Variants in ZNF527 observed in about 807,000 individuals in gnomAD.
ZNF527 encodes zinc finger protein 527.
Under a neutral mutation model 13.5 loss-of-function variants are expected in ZNF527, and 5 were observed. The ratio of observed to expected loss-of-function variants is 0.37; its 90% CI spans 0.19 to 0.78. The LOEUF is 0.78. Ranked by LOEUF, ZNF527 falls within the 30% of genes least tolerant of loss-of-function variation. The pLI is 0.48. For synonymous variants in ZNF527, 209 were observed against 243.1 expected (o/e 0.86, Z 1.30); for missense variants, 628 against 726.4 (o/e 0.86, Z 1.56).
chr19:37,372,463 TTTTC>T (rs201965790), intron 1 of ZNF527, among the ~76,000 whole-genome samples: 11,539 of 116,868 alleles, frequency 0.099, 844 homozygotes, highest in African/African-American at 0.17. Context: ...TTTTCTTTTC[TTTTC>T]TTTTTTTTTT....
chr19:37,380,103 A>T, intron 3 of ZNF527, 174 bp from the exon 4 acceptor site: 1 of 1,264,358 alleles, frequency 7.9e-7, no homozygotes, highest in South Asian at 1.9e-5. Flanking sequence ...CAGAAGCTTC[A>T]TCCTCCTCCT....
In ZNF527 at chr19:37,388,480, A is replaced by C. The variant is rs759553510; in HGVS notation, c.431A>C (p.Glu144Ala). The change falls in exon 5 of 5, where the codon GAG (glutamate) becomes GCG (alanine). Residue 144 changes from glutamate to alanine, a missense_variant. Coordinates refer to ENST00000436120, the MANE Select transcript of ZNF527 (RefSeq NM_032453.2). Reference protein sequence around the residue: ...GEFELHQGNAERHFMQVTAVK... With the variant: ...GEFELHQGNAARHFMQVTAVK... ...TTTGAGCTACATCAGGGAAATGCGG[A>C]GAGGCATTTCATGCAAGTGACAGCT... The C allele has an allele frequency of 5.6e-6, 9 of 1,614,048 alleles. No individual in the cohort carries two copies. Among genetic ancestry groups the C allele is most frequent in the Non-Finnish European group, 7.6e-6 (9 of 1,179,984 alleles).
At position 37,390,046 on chromosome 19, in the gene ZNF527, T is replaced by TC. The variant is rs386365555; in HGVS notation, c.*168dup. 4.9e-6 allele frequency: 4 copies of TC among 815,692 alleles called. No individual in the cohort carries two copies. The highest frequency in any genetic ancestry group is 4.1e-5 in the South Asian group (2 of 48,728). 50.5% of individuals were successfully genotyped at this position (815,692 alleles called of 1,614,324 possible). A position where few individuals can be genotyped will look rare whatever the true frequency, so the allele number is the denominator to read the frequency against. On this transcript the variant is annotated 3_prime_UTR_variant, in exon 5 of 5. Coordinates refer to ENST00000436120, the MANE Select transcript of ZNF527 (RefSeq NM_032453.2). The stretch of plus-strand genomic sequence containing the variant: ...TAGACATCTGTTACTTTTTTTTTTT[T>TC]CAGACAGAGTCTCGCTCTGTTGCCC...
intron 1 of ZNF527, among the ~76,000 whole-genome samples, chr19:37,372,467 CTTTTT>C (rs1022024971): frequency 3.2e-4 from 21 of 65,656 alleles, no homozygotes; most frequent in African/African-American, 1.5e-3. Context: ...CTTTTCTTTT[CTTTTT>C]TTTTTTTTTT....
chr19:37,384,838 T>G (rs1266958064), intron 4 of ZNF527: 2 of 666,780 alleles, frequency 3.0e-6, no homozygotes, highest in Admixed American at 2.2e-5. Flanking sequence ...TACCTGCTCA[T>G]ACATTTTTTT....
intron 2 of ZNF527, among the ~76,000 whole-genome samples, chr19:37,377,889 C>G (rs539162653): frequency 2.6e-5 from 4 of 152,226 alleles, no homozygotes; most frequent in African/African-American, 9.6e-5. Context: ...TTTATTGATA[C>G]AGTCAGCCTC....
intron 2 of ZNF527, 85 bp from the exon 3 acceptor site, chr19:37,379,035 C>T: frequency 6.6e-7 from 1 of 1,526,308 alleles, no homozygotes; most frequent in African/African-American, 1.4e-5. Flanking sequence ...TCACTTAGAG[C>T]TTTGAACTCT....
At chr19:37,383,560 C>G (rs2040672566) in intron 4 of ZNF527, among the ~76,000 whole-genome samples, 1 of 138,994 alleles carries the variant, frequency 7.2e-6, no homozygotes, top group African/African-American at 2.8e-5. Context: ...TTTTTTGAGA[C>G]AGAGTTTTTC....
rs933132856 is a variant in ZNF527, at chr19:37,390,927, C to T, written c.*1048C>T. Reference sequence around the variant, plus strand: ...AACAAGTTTATGAAAGTTGAATACACAGCCTTCATAAAACTGAGATAATTG... The same window carrying T: ...AACAAGTTTATGAAAGTTGAATACATAGCCTTCATAAAACTGAGATAATTG... On this transcript the variant is annotated 3_prime_UTR_variant, in exon 5 of 5. Transcript: ENST00000436120. 2.6e-5 allele frequency: 4 copies of T among 152,202 alleles called. No individual in the cohort carries two copies. The highest frequency in any genetic ancestry group is 9.6e-5 in the African/African-American group (4 of 41,462). 9.4% of individuals were successfully genotyped at this position (152,202 alleles called of 1,614,324 possible). A position where few individuals can be genotyped will look rare whatever the true frequency, so the allele number is the denominator to read the frequency against.
intron 4 of ZNF527, among the ~76,000 whole-genome samples, chr19:37,385,854 C>T (rs2040693424): frequency 6.6e-6 from 1 of 152,156 alleles, no homozygotes; most frequent in African/African-American, 2.4e-5. Flanking sequence ...TCACTGCCTT[C>T]ACCTCAGGTT....
At chr19:37,387,915 G>C (rs1298671858) in intron 4 of ZNF527, among the ~76,000 whole-genome samples, 3 of 152,158 alleles carry the variant, frequency 2.0e-5, no homozygotes, top group Non-Finnish European at 4.4e-5. Flanking sequence ...TGCCCTCATG[G>C]AGCTTTCAGT....
chr19:37,380,346 G>T lies in ZNF527; in HGVS notation c.230G>T (p.Arg77Ile), dbSNP rs752801754. 43 of 1,613,934 alleles carry T rather than the reference G, an allele frequency of 2.7e-5. No individual in the cohort carries two copies. Among genetic ancestry groups the T allele is most frequent in the Non-Finnish European group, 3.4e-5 (40 of 1,179,950 alleles). The change falls in exon 4 of 5, where the codon AGA becomes ATA. Residue 77 changes from arginine to isoleucine, a missense_variant. Arg to Ile is a moderately conservative substitution (Grantham distance 97). Around this residue, in one of 3 missense-constraint regions of ZNF527, gnomAD observed 592 missense variants for 678.0 expected, o/e 0.87. Transcript: ENST00000436120. ...GGGAAGGAACCGTGGATGGTGGAGA[G>T]AAAGATGTCACAGGGTCACTGTGCA... ...EQGKEPWMVE[R>I]KMSQGHCADW... is the part of the protein sequence containing the mutation.
rs2040718583 is a variant in ZNF527, at chr19:37,388,486, A to G, written c.437A>G (p.His146Arg). 5.6e-6 allele frequency: 9 copies of G among 1,614,198 alleles called. No individual in the cohort carries two copies. The highest frequency in any genetic ancestry group is 7.6e-6 in the Non-Finnish European group (9 of 1,180,030). Residue 146 changes from histidine to arginine, a missense_variant, in exon 5 of 5, where the codon CAT becomes CGT. This residue lies in a region of ZNF527 where 592 missense variants were observed against 678.0 expected (regional missense o/e 0.87). Transcript: ENST00000436120. ...FELHQGNAER[H>R]FMQVTAVKEI... ...CTACATCAGGGAAATGCGGAGAGGC[A>G]TTTCATGCAAGTGACAGCTGTTAAG...
Position 37,388,530 on chromosome 19 carries a change from A to G in ZNF527, c.481A>G (p.Arg161Gly), listed in dbSNP as rs776168405. 1 of 1,614,208 alleles carries G rather than the reference A, an allele frequency of 6.2e-7. No individual in the cohort carries two copies. Among genetic ancestry groups the G allele is most frequent in the Non-Finnish European group, 8.5e-7 (1 of 1,180,016 alleles). ...TGTTAAGGAAATCTCTACTGGGAAA[A>G]GAGACAATGAATTTAGTAATTCTGG... ...TAVKEISTGK[R>G]DNEFSNSGRS... Residue 161 changes from arginine to glycine, a missense_variant, in exon 5 of 5, where the codon AGA (arginine) becomes GGA (glycine). Physicochemically the swap from Arg to Gly is moderately radical, Grantham distance 125 (BLOSUM62 -2). Coordinates refer to ENST00000436120, the MANE Select transcript of ZNF527 (RefSeq NM_032453.2).
intron 4 of ZNF527, among the ~76,000 whole-genome samples, chr19:37,381,479 G>A (rs1048474571): frequency 6.6e-6 from 1 of 152,172 alleles, no homozygotes; most frequent in African/African-American, 2.4e-5. Flanking sequence ...TGCAAAGAAT[G>A]TCACAGAAAT....
intron 2 of ZNF527, among the ~76,000 whole-genome samples, chr19:37,375,442 G>C (rs912899949): frequency 6.7e-6 from 1 of 149,186 alleles, no homozygotes; most frequent in Non-Finnish European, 1.5e-5. Flanking sequence ...GCTCACTGCA[G>C]CCTCTGCCTC....
chr19:37,386,839 G>C (rs1290592142), intron 4 of ZNF527, among the ~76,000 whole-genome samples: 1 of 152,202 alleles, frequency 6.6e-6, no homozygotes, highest in Non-Finnish European at 1.5e-5. Context: ...ATGGAGTATA[G>C]TGGCTTCAGG....
rs1454752263 is a variant in ZNF527, at chr19:37,391,457, T to G, written c.*1578T>G. 1 of 151,820 alleles carries G rather than the reference T, an allele frequency of 6.6e-6. No homozygotes were observed. Among genetic ancestry groups the G allele is most frequent in the Non-Finnish European group, 1.5e-5 (1 of 68,020 alleles). 9.4% of individuals were successfully genotyped at this position (151,820 alleles called of 1,614,324 possible). ...GGTGGTGCGTGCTTGTAATCCCAGC[T>G]ACTCAGGAGGGTGAGGCAGGAGAAT... is the stretch of plus-strand genomic sequence containing the variant. On this transcript the variant is annotated 3_prime_UTR_variant, in exon 5 of 5. Transcript: ENST00000436120.
intron 4 of ZNF527, among the ~76,000 whole-genome samples, chr19:37,387,732 T>A (rs953262853): frequency 2.6e-5 from 4 of 152,124 alleles, no homozygotes; most frequent in African/African-American, 7.2e-5. Context: ...TGAGAAAAAA[T>A]ATATATAAAT....
Sources: gnomAD v4.1 joint callset for allele counts (sites outside exome capture counted in the v4.1 genomes callset) on GRCh38, gnomAD v4.1.1 for gene constraint, gnomAD v4.1.1 regional missense constraint, MANE v1.5 for transcripts, NCBI Gene and HGNC (gene_info 2026-07-23, HGNC 2026-07-21) for gene names.